Variants in TRMT6 observed in about 807,000 individuals in gnomAD.
TRMT6 encodes tRNA (adenine(58)-N(1))-methyltransferase non-catalytic subunit TRM6.
Under a neutral mutation model 59.0 loss-of-function variants are expected in TRMT6, and 34 were observed. That is an observed-to-expected ratio of 0.58 (90% CI 0.44 to 0.77). The LOEUF (loss-of-function observed/expected upper bound fraction) is 0.77. Ranked by LOEUF, TRMT6 falls within the 30% of genes least tolerant of loss-of-function variation. The pLI is 0.00. For missense variants in TRMT6, 575 were observed against 604.5 expected (o/e 0.95, Z 0.51); for synonymous variants, 217 against 210.5 (o/e 1.03, Z -0.27).
intron 1 of TRMT6, among the ~76,000 whole-genome samples, chr20:5,948,353 G>A (rs1398961979): frequency 6.6e-6 from 1 of 152,202 alleles, no homozygotes; most frequent in African/African-American, 2.4e-5. Flanking sequence ...AGAGAGCCTG[G>A]ACTGTTTTTT....
Position 5,944,897 on chromosome 20 carries a change from T to A in TRMT6, c.274A>T (p.Thr92Ser), listed in dbSNP as rs771375111. 1.2e-6 allele frequency: 2 copies of A among 1,613,382 alleles called. No individual in the cohort carries two copies. The highest frequency in any genetic ancestry group is 1.7e-6 in the Non-Finnish European group (2 of 1,179,348). The change falls in exon 3 of 11, where the codon ACT becomes TCT. Residue 92 changes from threonine to serine, a missense_variant. Transcript: ENST00000203001. ...TCATCAACTATATTTCGATTATCAG[T>A]GCCCGCTTCTTTAGTCTCTAAGGAA... ...EPTAETKEAGTDNRNIVDDGK... is the reference protein window; with the variant it reads ...EPTAETKEAGSDNRNIVDDGK...
chr20:5,944,058 A>C (rs1368981695), intron 4 of TRMT6, 27 bp from the exon 5 acceptor site: 1 of 1,510,796 alleles, frequency 6.6e-7, no homozygotes, highest in East Asian at 2.3e-5. Flanking sequence ...CAGAACGCTG[A>C]TTTAAAAAAA....
chr20:5,946,702 C>T (rs1356960514), intron 1 of TRMT6, among the ~76,000 whole-genome samples, 169 bp from the exon 2 acceptor site: 1 of 151,910 alleles, frequency 6.6e-6, no homozygotes, highest in Non-Finnish European at 1.5e-5. Context: ...GGGATAGAGA[C>T]GTAAAATTAA....
intron 10 of TRMT6, among the ~76,000 whole-genome samples, 165 bp from the exon 11 acceptor site, chr20:5,938,891 C>T (rs1041770664): frequency 6.7e-6 from 1 of 149,788 alleles, no homozygotes; most frequent in African/African-American, 2.5e-5. Flanking sequence ...CCCTCTCTCC[C>T]TTCCTTCCTT....
intron 4 of TRMT6, 42 bp downstream of exon 4, chr20:5,944,117 TAAG>T: frequency 7.4e-7 from 1 of 1,357,346 alleles, no homozygotes; most frequent in Non-Finnish European, 1.0e-6. Context: ...TATAAACATA[TAAG>T]AAGTTTAATA....
chr20:5,938,788 C>T, intron 10 of TRMT6, 62 bp from the exon 11 acceptor site: 1 of 1,416,160 alleles, frequency 7.1e-7, no homozygotes, highest in South Asian at 1.4e-5. Flanking sequence ...GCTAACAACA[C>T]ATATACCAAA....
rs752741690 is a variant in TRMT6, at chr20:5,941,318, G to T, written c.1140C>A (p.Pro380=). 2 of 1,614,084 alleles carry T rather than the reference G, an allele frequency of 1.2e-6. No homozygotes were observed. Among genetic ancestry groups the T allele is most frequent in the Non-Finnish European group, 1.7e-6 (2 of 1,179,992 alleles). ...DGLIVASRFH[P]TPLLLSLLDF... is the part of the protein sequence containing the mutation. ...CCAGCAAAGACAGCAGCAGGGGAGT[G>T]GGGTGGAAACGACTAGCTACAATTA... is the stretch of plus-strand genomic sequence containing the variant. Residue 380 remains proline (P), a synonymous_variant, in exon 9 of 11, where the codon CCC becomes CCA. Coordinates refer to ENST00000203001, the MANE Select transcript of TRMT6 (RefSeq NM_015939.5).
intron 6 of TRMT6, 42 bp from the exon 7 acceptor site, chr20:5,942,828 T>G (rs1269166563): frequency 6.7e-7 from 1 of 1,501,046 alleles, no homozygotes. Context: ...GTGGAGTGAC[T>G]CTAGACTACG....
chr20:5,938,457 A>G lies in TRMT6; in HGVS notation c.*78T>C. On this transcript the variant is annotated 3_prime_UTR_variant, in exon 11 of 11. Coordinates refer to ENST00000203001, the MANE Select transcript of TRMT6 (RefSeq NM_015939.5). Reference sequence around the variant, plus strand: ...TCTTATTCTTGGGATATGAAAAAACAAGTAGTAATGGCATTTAAAGTTTAA... The same window carrying G: ...TCTTATTCTTGGGATATGAAAAAACGAGTAGTAATGGCATTTAAAGTTTAA... 1 of 1,404,688 alleles carries G rather than the reference A, an allele frequency of 7.1e-7. No individual in the cohort carries two copies. The highest frequency in any genetic ancestry group is 9.8e-7 in the Non-Finnish European group (1 of 1,025,440). 87.0% of individuals were successfully genotyped at this position (1,404,688 alleles called of 1,614,324 possible).
chr20:5,950,494 C>A lies in TRMT6; in HGVS notation c.-89G>T. 3 of 1,420,266 alleles carry A rather than the reference C, an allele frequency of 2.1e-6. No individual in the cohort carries two copies. Among genetic ancestry groups the A allele is most frequent in the Non-Finnish European group, 2.8e-6 (3 of 1,073,026 alleles). 88.0% of individuals were successfully genotyped at this position (1,420,266 alleles called of 1,614,324 possible). Reference sequence around the variant, plus strand: ...CAGCCTCACTTCCCACAACCTGGCGCACTAGGAGCCCTCCGACCGGCACCG... The same window carrying A: ...CAGCCTCACTTCCCACAACCTGGCGAACTAGGAGCCCTCCGACCGGCACCG... On this transcript the variant is annotated 5_prime_UTR_variant, in exon 1 of 11. Transcript: ENST00000203001.
In TRMT6 at chr20:5,944,041, GA is replaced by G. The variant is rs112133294; in HGVS notation, c.459-11del. On this transcript the variant is annotated splice_polypyrimidine_tract_variant and intron_variant, in intron 4 of 10. Coordinates refer to ENST00000203001, the MANE Select transcript of TRMT6 (RefSeq NM_015939.5). ...AATGATGGCTTCATATCTGGGGGAA[GA>G]AAAAACAGAACGCTGATTTAAAAAA... The G allele has an allele frequency of 4.9e-3, 7,650 of 1,556,818 alleles. 150 individuals are homozygous for G. The African/African-American group carries it at 0.056, about 11-fold the overall frequency.
In TRMT6 at chr20:5,950,455, G is replaced by A. The variant is rs1418876529; in HGVS notation, c.-50C>T. 3.3e-6 allele frequency: 5 copies of A among 1,526,230 alleles called. No homozygotes were observed. Among genetic ancestry groups the A allele is most frequent in the Non-Finnish European group, 4.4e-6 (5 of 1,137,280 alleles). 94.5% of individuals were successfully genotyped at this position (1,526,230 alleles called of 1,614,324 possible). A position where few individuals can be genotyped will look rare whatever the true frequency, so the allele number is the denominator to read the frequency against. ...CACGGCGTCCCGCCCCTCCTCCTCGGTTGTCGCCACCGCCAGCCTCACTTC... is the reference window on the plus strand; with the variant it reads ...CACGGCGTCCCGCCCCTCCTCCTCGATTGTCGCCACCGCCAGCCTCACTTC... On this transcript the variant is annotated 5_prime_UTR_variant, in exon 1 of 11. Coordinates refer to ENST00000203001, the MANE Select transcript of TRMT6 (RefSeq NM_015939.5).
chr20:5,939,451 A>G (rs888073152), intron 10 of TRMT6, among the ~76,000 whole-genome samples: 4 of 150,174 alleles, frequency 2.7e-5, no homozygotes, highest in Admixed American at 6.7e-5. Context: ...ACTGCACCCC[A>G]CCTGGGCGAC....
At chr20:5,950,230 T>C in intron 1 of TRMT6, 48 bp downstream of exon 1, 1 of 1,500,026 alleles carries the variant, frequency 6.7e-7, no homozygotes, top group African/African-American at 1.4e-5. Context: ...GGAGGGGGTA[T>C]CTACAAGGTG....
At chr20:5,940,204 C>T (rs2088643965) in intron 10 of TRMT6, among the ~76,000 whole-genome samples, 1 of 152,238 alleles carries the variant, frequency 6.6e-6, no homozygotes, top group Non-Finnish European at 1.5e-5. Context: ...ACCTGCACCA[C>T]CAATCTTGCT....
Position 5,944,913 on chromosome 20 carries a change from C to T in TRMT6, c.258G>A (p.Glu86=). 1.9e-6 allele frequency: 3 copies of T among 1,606,008 alleles called. No individual in the cohort carries two copies. Among genetic ancestry groups the T allele is most frequent in the East Asian group, 2.2e-5 (1 of 44,848 alleles). The part of the protein sequence containing the change: ...PKKKREEPTA[E]TKEAGTDNRN... ...GATTATCAGTGCCCGCTTCTTTAGT[C>T]TCTAAGGAAAGAAATTGCTCTATTG... The change falls in exon 3 of 11, where the codon GAG becomes GAA. Residue 86 remains glutamate, a splice_region_variant and synonymous_variant. Transcript: ENST00000203001.
intron 8 of TRMT6, 108 bp from the exon 9 acceptor site, chr20:5,941,453 G>A: frequency 1.3e-6 from 1 of 774,318 alleles, no homozygotes. Context: ...GACTCACAAA[G>A]AGAAGAGATT....
Position 5,941,045 on chromosome 20 carries a change from A to G in TRMT6, c.1302+8T>C, listed in dbSNP as rs1320300421. On this transcript the variant is annotated splice_region_variant and intron_variant, in intron 10 of 10. Transcript: ENST00000203001. ...GCAGCTCTTGGGACTGGCTGTAAGA[A>G]CACGTACCTGATAATTTCTGAGCCA... 3.1e-6 allele frequency: 5 copies of G among 1,611,782 alleles called. No individual in the cohort carries two copies. Among genetic ancestry groups the G allele is most frequent in the Non-Finnish European group, 4.2e-6 (5 of 1,177,978 alleles).
intron 7 of TRMT6, 30 bp from the exon 8 acceptor site, chr20:5,942,066 A>T (rs766805268): frequency 4.5e-6 from 7 of 1,572,690 alleles, no homozygotes; most frequent in Non-Finnish European, 5.2e-6. Context: ...AAATCAATGT[A>T]CTGGGGTCTT....
Sources: gnomAD v4.1 joint callset for allele counts (sites outside exome capture counted in the v4.1 genomes callset) on GRCh38, gnomAD v4.1.1 for gene constraint, MANE v1.5 for transcripts, NCBI Gene and HGNC (gene_info 2026-07-23, HGNC 2026-07-21) for gene names.